The following CDK15 variants were observed in gnomAD, a reference collection of about 807,000 sequenced individuals.
The protein encoded by CDK15 is cyclin dependent kinase 15, also known as cyclin-dependent kinase 15.
Under a neutral mutation model 60.3 loss-of-function variants are expected in CDK15, and 62 were observed. That is an observed-to-expected ratio of 1.03 (90% CI 0.84 to 1.27). The LOEUF is 1.27. CDK15 is among the 50% of genes most tolerant of loss of function. The probability of loss-of-function intolerance (pLI) is 0.00; values close to 1 mark genes in which losing one functional copy is unlikely to be tolerated. For synonymous variants in CDK15, 194 were observed against 195.7 expected (o/e 0.99, Z 0.07); for missense variants, 541 against 527.8 (o/e 1.03, Z -0.25).
At chr2:201,878,715 A>T (rs1325627390) in intron 11 of CDK15, among the ~76,000 whole-genome samples, 1 of 152,198 alleles carries the variant, frequency 6.6e-6, no homozygotes, top group Non-Finnish European at 1.5e-5. Context: ...ACAGCTCTGG[A>T]GCCTGGGAAA....
chr2:201,808,037 T>C lies in CDK15; in HGVS notation c.368+85T>C, dbSNP rs79681158. 1.2e-3 allele frequency: 1,309 copies of C among 1,125,028 alleles called. 16 individuals carry two copies. In the East Asian group the frequency reaches 0.023, roughly 20 times the overall value. The allele number at this position is 1,125,028 out of a possible 1,614,324, so 69.7% of individuals were successfully genotyped here. On this transcript the variant is annotated intron_variant, in intron 3 of 13. Coordinates refer to ENST00000652192, the MANE Select transcript of CDK15 (RefSeq NM_001366386.2). ...TATTATAAAGCCAGGTGAGACATCA[T>C]AGAAGTTCATAGCACTCAGGACCTG... is the stretch of plus-strand genomic sequence containing the variant.
rs541662770 is a variant in CDK15, at chr2:201,837,447, AAAGGAAGGAAGGAAGGAAGGAAGGAAGG to A, written c.851+1723_851+1750del. Among the ~76,000 whole-genome samples, 210 of 61,244 alleles carry A rather than the reference AAAGGAAGGAAGGAAGGAAGGAAGGAAGG, an allele frequency of 3.4e-3. 1 individual carries two copies. The highest frequency in any genetic ancestry group is 0.011 in the African/African-American group (165 of 14,964). 40.2% of individuals were successfully genotyped at this position (61,244 alleles called of 152,430 possible). ...GAGGGAGGAAGGGAAGGAAGGAAGG[AAAGGAAGGAAGGAAGGAAGGAAGGAAGG>A]AAGGAAGGAAGGAAGGAAGGAAGGA... On this transcript the variant is annotated intron_variant, in intron 8 of 13. Transcript: ENST00000652192.
At chr2:201,861,560 TTTTTC>T in intron 10 of CDK15, 3 of 934,036 alleles carry the variant, frequency 3.2e-6, no homozygotes, top group Non-Finnish European at 3.8e-6. Flanking sequence ...TGTTTTTTTT[TTTTTC>T]TTTTTTTTTT....
chr2:201,819,223 T>C (rs1021369431), intron 4 of CDK15, among the ~76,000 whole-genome samples: 1 of 152,050 alleles, frequency 6.6e-6, no homozygotes, highest in Non-Finnish European at 1.5e-5. Flanking sequence ...CACCTATATG[T>C]ATCACTTGAG....
Position 201,882,199 on chromosome 2 carries a change from A to G in CDK15, c.1198+2032A>G, listed in dbSNP as rs949278113. On this transcript the variant is annotated intron_variant, in intron 12 of 13. Coordinates refer to ENST00000652192, the MANE Select transcript of CDK15 (RefSeq NM_001366386.2). This position sits in a 1 kb window ranked among gnomAD's most constrained non-coding sequence, Gnocchi z 4.0. The stretch of plus-strand genomic sequence containing the variant: ...TATGTGTGTATATGTGTGTGTGCGT[A>G]TGTGTGTGTGTGTGTGTGAGAGAGA... Among the ~76,000 whole-genome samples the G allele has an allele frequency of 1.3e-4, 20 of 149,490 alleles. No homozygotes were observed. The highest frequency in any genetic ancestry group is 4.7e-4 in the African/African-American group (19 of 40,824).
At chr2:201,876,706 G>GA (rs541255694) in intron 11 of CDK15, 14 of 468,516 alleles carry the variant, frequency 3.0e-5, no homozygotes, top group African/African-American at 2.9e-4. Flanking sequence ...GGTTGAAATG[G>GA]AAAATCCTAA....
intron 4 of CDK15, among the ~76,000 whole-genome samples, chr2:201,815,505 A>G (rs1430014564): frequency 6.6e-6 from 1 of 152,196 alleles, no homozygotes; most frequent in African/African-American, 2.4e-5. Context: ...AGAGGCCTTC[A>G]TAGTGCCTTG....
At chr2:201,820,856 A>G (rs1438511190) in intron 4 of CDK15, among the ~76,000 whole-genome samples, 2 of 152,208 alleles carry the variant, frequency 1.3e-5, no homozygotes, top group Admixed American at 1.3e-4. Flanking sequence ...TTAGCCCATA[A>G]GGACTCTGGG....
chr2:201,879,762 A>G (rs1699207604), intron 11 of CDK15, among the ~76,000 whole-genome samples: 1 of 152,144 alleles, frequency 6.6e-6, no homozygotes, highest in Admixed American at 6.6e-5. Context: ...TTATGTGTAC[A>G]TGGTGCCCAG....
intron 10 of CDK15, chr2:201,861,068 G>A: frequency 2.8e-6 from 3 of 1,087,078 alleles, no homozygotes; most frequent in Non-Finnish European, 3.4e-6. Context: ...TTGAACTAAG[G>A]GGAAAGATAT....
chr2:201,808,634 A>C (rs1695620220), intron 3 of CDK15: 1 of 152,166 alleles, frequency 6.6e-6, no homozygotes, highest in Admixed American at 6.5e-5. Context: ...TCCAATAGAG[A>C]GAAAAGTAAT....
intron 8 of CDK15, among the ~76,000 whole-genome samples, chr2:201,836,018 T>TA (rs1217364206): frequency 1.3e-5 from 1 of 76,908 alleles, no homozygotes; most frequent in East Asian, 3.7e-4. Context: ...TTTTATATTT[T>TA]TATATATTTA....
intron 3 of CDK15, among the ~76,000 whole-genome samples, chr2:201,809,605 C>T (rs1027783595): frequency 2.1e-5 from 3 of 144,074 alleles, no homozygotes; most frequent in Admixed American, 2.0e-4. Flanking sequence ...TATATCAAAA[C>T]TCTACGTTAG....
At chr2:201,828,964 A>G (rs1216235454) in intron 6 of CDK15, among the ~76,000 whole-genome samples, 1 of 152,082 alleles carries the variant, frequency 6.6e-6, no homozygotes. Context: ...CTATCAGTCA[A>G]CTCTACAAAA....
intron 7 of CDK15, among the ~76,000 whole-genome samples, chr2:201,834,553 C>A (rs1406254891): frequency 6.6e-6 from 1 of 152,118 alleles, no homozygotes; most frequent in African/African-American, 2.4e-5. Flanking sequence ...TGCATACATA[C>A]AAATATATAT....
At chr2:201,808,819 C>A (rs530855898) in intron 3 of CDK15, 1 of 151,966 alleles carries the variant, frequency 6.6e-6, no homozygotes, top group South Asian at 2.1e-4. Flanking sequence ...TACTACAAGA[C>A]TAAATATTTA....
intron 10 of CDK15, among the ~76,000 whole-genome samples, chr2:201,859,719 G>T (rs1339026883): frequency 6.6e-6 from 1 of 152,074 alleles, no homozygotes; most frequent in Non-Finnish European, 1.5e-5. Context: ...CATCTGAAGG[G>T]TATTAAAAAT....
Position 201,833,991 on chromosome 2 carries a change from T to C in CDK15, c.730+20T>C. The C allele has an allele frequency of 6.2e-7, 1 of 1,612,350 alleles. No individual in the cohort carries two copies. The highest frequency in any genetic ancestry group is 8.5e-7 in the Non-Finnish European group (1 of 1,179,152). ...ATTTTGGTAAGTCGCCCCTCGGGTC[T>C]CATTCTGGGCTGTGAACAATGATGC... On this transcript the variant is annotated intron_variant, in intron 7 of 13. Coordinates refer to ENST00000652192, the MANE Select transcript of CDK15 (RefSeq NM_001366386.2).
intron 11 of CDK15, among the ~76,000 whole-genome samples, chr2:201,879,536 C>T (rs1184373237): frequency 3.9e-5 from 6 of 152,088 alleles, no homozygotes; most frequent in African/African-American, 1.2e-4. Flanking sequence ...CATGCCACCA[C>T]GCCCAGCTAA....
Sources: gnomAD v4.1 joint callset for allele counts (sites outside exome capture counted in the v4.1 genomes callset) on GRCh38, gnomAD v4.1.1 for gene constraint, Gnocchi (gnomAD v3.1) non-coding constraint, MANE v1.5 for transcripts, NCBI Gene and HGNC (gene_info 2026-07-23, HGNC 2026-07-21) for gene names.